The following RAPGEF3 variants were observed in gnomAD, a reference collection of about 807,000 sequenced individuals.
The protein encoded by RAPGEF3 is 9330170P05Rik.
A neutral mutation model predicts 129.8 loss-of-function variants in RAPGEF3; 103 were observed. The ratio of observed to expected loss-of-function variants is 0.79; its 90% CI spans 0.68 to 0.93. The LOEUF is 0.93. RAPGEF3 is among the 40% of genes least tolerant of loss of function. The pLI, the probability that RAPGEF3 is intolerant of heterozygous loss-of-function variation, is 0.00. For synonymous variants in RAPGEF3, 436 were observed against 482.6 expected (o/e 0.90, Z 1.26); for missense variants, 1,117 against 1,207.4 (o/e 0.93, Z 1.11).
rs1461449251 is a variant in RAPGEF3 at position 47,748,867 on chromosome 12, GCT to G, written c.1104_1105del (p.Arg368SerfsTer44). On this transcript the variant is annotated frameshift_variant, in exon 11 of 28. Transcript: ENST00000449771. LOFTEE classifies it high-confidence loss of function. ...TCGGGAAGGGCCGGCGCCCTGAGAG[GCT>G]CTCTCCAGCACCAGCACCACTTTGC... 1 of 1,613,906 alleles carries G rather than the reference GCT, an allele frequency of 6.2e-7. No homozygotes were observed. Among genetic ancestry groups the G allele is most frequent in the Non-Finnish European group, 8.5e-7 (1 of 1,179,950 alleles).
intron 25 of RAPGEF3, 112 bp downstream of exon 25, chr12:47,738,578 C>T: frequency 1.0e-6 from 1 of 977,230 alleles, no homozygotes. Flanking sequence ...AGTATTCATC[C>T]TCATATTATT....
chr12:47,758,448 C>T, intron 1 of RAPGEF3, 103 bp downstream of exon 1: 1 of 1,582,608 alleles, frequency 6.3e-7, no homozygotes, highest in East Asian at 2.3e-5. Context: ...CTCTCCTCCT[C>T]AGCCCTGACT....
intron 25 of RAPGEF3, 152 bp from the exon 26 acceptor site, chr12:47,738,399 C>T: frequency 1.9e-6 from 2 of 1,044,030 alleles, no homozygotes; most frequent in South Asian, 2.8e-5. Context: ...CGCCTCAGCA[C>T]ACCCAGAGGC....
At chr12:47,746,714 GC>G in intron 16 of RAPGEF3, 145 bp downstream of exon 16, 1 of 967,662 alleles carries the variant, frequency 1.0e-6, no homozygotes, top group Non-Finnish European at 1.6e-6. Flanking sequence ...TGCAGCAAGG[GC>G]CCCGTGAACA....
In RAPGEF3 at chr12:47,740,748, G is replaced by A. The variant is rs747930240; in HGVS notation, c.2125C>T (p.Arg709Cys). 1.9e-5 allele frequency: 30 copies of A among 1,613,980 alleles called. No homozygotes were observed. Among genetic ancestry groups the A allele is most frequent in the Admixed American group, 6.7e-5 (4 of 60,012 alleles). Reference sequence around the variant, plus strand: ...CAGTACTGCAGCTCATTGAAGCGGCGCATGAAGCGCTCCAGGTTGGCGGTG... The same window carrying A: ...CAGTACTGCAGCTCATTGAAGCGGCACATGAAGCGCTCCAGGTTGGCGGTG... ...VTTANLERFM[R>C]RFNELQYWVA... The change falls in exon 21 of 28, where the codon CGC becomes TGC. Residue 709 changes from arginine to cysteine, a missense_variant. Physicochemically the swap from Arg to Cys is radical, Grantham distance 180. Coordinates refer to ENST00000449771, the MANE Select transcript of RAPGEF3 (RefSeq NM_001098531.4).
chr12:47,756,430 G>C (rs1335775915), intron 2 of RAPGEF3: 1 of 152,308 alleles, frequency 6.6e-6, no homozygotes. Context: ...GGAGAGCGGA[G>C]AGCCGGAGAG....
At chr12:47,744,494 A>C in intron 16 of RAPGEF3, 1 of 210,642 alleles carries the variant, frequency 4.7e-6, no homozygotes, top group East Asian at 1.5e-4. Flanking sequence ...TATGGATGAA[A>C]TAAATGAGGC....
intron 16 of RAPGEF3, chr12:47,745,906 C>G (rs1449947547): frequency 6.6e-6 from 1 of 152,292 alleles, no homozygotes; most frequent in African/African-American, 2.4e-5. Flanking sequence ...GGTGGGGGCC[C>G]GCAGGAGGGA....
rs747700402 is a variant in RAPGEF3 at position 47,738,691 on chromosome 12, A to G, written c.2525T>C (p.Met842Thr). 7.5e-6 allele frequency: 12 copies of G among 1,600,252 alleles called. No homozygotes were observed. The highest frequency in any genetic ancestry group is 1.7e-5 in the Admixed American group (1 of 59,990). Reference protein sequence around the residue: ...LVENLINFEKMRMMARAARML... With the variant: ...LVENLINFEKTRMMARAARML... ...AATGCCTGCTCTCCCTGGACTCACC[A>G]TCTTCTCAAAGTTGATGAGATTCTC... The change falls in exon 25 of 28, where the codon ATG becomes ACG. Residue 842 changes from methionine (M) to threonine (T), a missense_variant and splice_region_variant. By Grantham distance (81) the Met-to-Thr change is moderately conservative. This residue lies in a region of RAPGEF3 where 643 missense variants were observed against 673.4 expected (regional missense o/e 0.95). Coordinates refer to ENST00000449771, the MANE Select transcript of RAPGEF3 (RefSeq NM_001098531.4).
intron 13 of RAPGEF3, 90 bp downstream of exon 13, chr12:47,747,984 C>A: frequency 6.4e-7 from 1 of 1,566,236 alleles, no homozygotes; most frequent in South Asian, 1.1e-5. Flanking sequence ...ATTTAAAGGG[C>A]TCAGCACAGC....
chr12:47,758,623 C>A lies in RAPGEF3; in HGVS notation c.-67G>T. On this transcript the variant is annotated 5_prime_UTR_variant, in exon 1 of 28. The change abolishes an upstream ATG in the 5' untranslated region. Transcript: ENST00000449771. ...AGGCTGGGGGGTCCCCAGCGACCCC[C>A]ATCAGCTTTGATAAGGGGATCCGGA... 1.9e-6 allele frequency: 3 copies of A among 1,608,152 alleles called. No individual in the cohort carries two copies. Among genetic ancestry groups the A allele is most frequent in the Non-Finnish European group, 2.5e-6 (3 of 1,176,784 alleles).
rs1327465949 is a variant in RAPGEF3 at position 47,740,211 on chromosome 12, G to A, written c.2323-20C>T. ...CAGCCGCTGTGAAAAGGAGGCAGAT[G>A]AGCGGCTGCTCTGGGGGAGGCCCAG... On this transcript the variant is annotated intron_variant, in intron 22 of 27. Transcript: ENST00000449771. The A allele has an allele frequency of 1.9e-6, 3 of 1,613,640 alleles. No homozygotes were observed. The highest frequency in any genetic ancestry group is 2.5e-6 in the Non-Finnish European group (3 of 1,179,854).
chr12:47,750,520 C>T (rs1050069907), intron 6 of RAPGEF3, 95 bp from the exon 7 acceptor site: 22 of 1,136,046 alleles, frequency 1.9e-5, no homozygotes, highest in East Asian at 1.6e-4. Flanking sequence ...CTGTGCCAGA[C>T]GGTGCCTCAG....
In RAPGEF3 at chr12:47,748,897, T is replaced by C; in HGVS notation, c.1076A>G (p.His359Arg). 6.2e-7 allele frequency: 1 copy of C among 1,614,062 alleles called. No homozygotes were observed. Among genetic ancestry groups the C allele is most frequent in the Non-Finnish European group, 8.5e-7 (1 of 1,179,964 alleles). ...VEAKTMRLEE[H>R]GKVVLVLERA... ...CTCCAGCACCAGCACCACTTTGCCA[T>C]GTTCTTCCAGCCGCATGGTCTTTGC... The change falls in exon 11 of 28, where the codon CAT becomes CGT. Residue 359 changes from histidine to arginine, a missense_variant. Around this residue, in one of 3 missense-constraint regions of RAPGEF3, gnomAD observed 107 missense variants for 160.7 expected, o/e 0.67. Coordinates refer to ENST00000449771, the MANE Select transcript of RAPGEF3 (RefSeq NM_001098531.4).
At position 47,737,695 on chromosome 12, in the gene RAPGEF3, G is replaced by A. The variant is rs773560904; in HGVS notation, c.2654-10C>T. On this transcript the variant is annotated splice_polypyrimidine_tract_variant and intron_variant, in intron 27 of 27. Transcript: ENST00000449771. ...AGGGACTGCTCCGAGCCTGGTGGAGGAGAGTAGTCAGGGAGGCACTGATGC... is the reference window on the plus strand; with the variant it reads ...AGGGACTGCTCCGAGCCTGGTGGAGAAGAGTAGTCAGGGAGGCACTGATGC... The A allele has an allele frequency of 1.2e-5, 19 of 1,611,372 alleles. No individual in the cohort carries two copies. The South Asian group carries it at 2.1e-4, about 18-fold the overall frequency.
chr12:47,749,737 T>C lies in RAPGEF3; in HGVS notation c.894+4A>G. The C allele has an allele frequency of 1.2e-6, 2 of 1,614,062 alleles. No individual in the cohort carries two copies. The highest frequency in any genetic ancestry group is 1.7e-6 in the Non-Finnish European group (2 of 1,179,986). On this transcript the variant is annotated splice_donor_region_variant and intron_variant, in intron 9 of 27. Coordinates refer to ENST00000449771, the MANE Select transcript of RAPGEF3 (RefSeq NM_001098531.4). The surrounding 1 kb of genome is among the most constrained non-coding windows in gnomAD (Gnocchi z 4.5). ...CACTGGGGTGGGGAGGAGGGAGGGC[T>C]CACCTTGCCATGGGTCACCACGTTG...
chr12:47,750,858 G>A (rs1941698605), intron 6 of RAPGEF3, among the ~76,000 whole-genome samples, 190 bp downstream of exon 6: 2 of 152,212 alleles, frequency 1.3e-5, no homozygotes, highest in South Asian at 4.1e-4. Flanking sequence ...ACTTGGGGGG[G>A]TTTGGGAGTG....
chr12:47,756,330 G>A (rs571904022), intron 2 of RAPGEF3: 1 of 152,376 alleles, frequency 6.6e-6, no homozygotes, highest in Admixed American at 6.5e-5. Flanking sequence ...AAGGGGACAG[G>A]AAATGCACAA....
rs545006048 is a variant in RAPGEF3, at chr12:47,751,113, G to A, written c.606C>T (p.Ala202=). ...GCTGGGAGAGCAGGGCCACAGCTTC[G>A]GCCAACTCCTCCTCCATCTCATGAG... The part of the protein sequence containing the change: ...VRTHEMEEEL[A]EAVALLSQRG... The change falls in exon 6 of 28, where the codon GCC becomes GCT. Residue 202 remains alanine (A), a synonymous_variant. Coordinates refer to ENST00000449771, the MANE Select transcript of RAPGEF3 (RefSeq NM_001098531.4). The A allele has an allele frequency of 2.5e-5, 40 of 1,581,686 alleles. No homozygotes were observed. The highest frequency in any genetic ancestry group is 2.9e-5 in the Non-Finnish European group (34 of 1,164,538).
Sources: allele counts gnomAD v4.1 joint callset (sites outside exome capture counted in the v4.1 genomes callset), GRCh38; gene constraint gnomAD v4.1.1; regional missense constraint gnomAD v4.1.1; non-coding constraint Gnocchi (gnomAD v3.1); transcripts MANE v1.5; gene names NCBI Gene and HGNC (gene_info 2026-07-23, HGNC 2026-07-21).